DHRSX: variants seen among roughly 807,000 people sequenced by gnomAD.
DHRSX encodes polyprenol dehydrogenase.
DHRSX carries 31 observed loss-of-function variants against 34.0 expected under a neutral mutation model. The ratio of observed to expected loss-of-function variants is 0.91; its 90% CI spans 0.69 to 1.23. DHRSX has a LOEUF of 1.23. DHRSX is among the 50% of genes most tolerant of loss of function. The pLI is 0.00. For missense variants in DHRSX, 414 were observed against 428.1 expected (o/e 0.97, Z 0.29); for synonymous variants, 201 against 183.8 (o/e 1.09, Z -0.76).
chrX:2,234,780 G>A (rs1042357540), intron 6 of DHRSX, among the ~76,000 whole-genome samples: 7 of 152,252 alleles, frequency 4.6e-5, no homozygotes, highest in East Asian at 1.9e-4. Flanking sequence ...GCACGATCCC[G>A]GCTTACTGCA....
chrX:2,452,562 A>T (rs2044238558), intron 1 of DHRSX, among the ~76,000 whole-genome samples: 1 of 151,896 alleles, frequency 6.6e-6, no homozygotes, highest in African/African-American at 2.4e-5. Context: ...AGAGACCACC[A>T]TGTACACACT....
chrX:2,238,028 T>C (rs2016056593), intron 6 of DHRSX, among the ~76,000 whole-genome samples: 1 of 152,106 alleles, frequency 6.6e-6, no homozygotes, highest in South Asian at 2.1e-4. Flanking sequence ...TGTCTCAGCA[T>C]GAAGAATGGC....
chrX:2,345,351 C>G (rs2042691861), intron 3 of DHRSX, among the ~76,000 whole-genome samples: 1 of 151,708 alleles, frequency 6.6e-6, no homozygotes, highest in Admixed American at 6.6e-5. Flanking sequence ...CATAATAGAA[C>G]AAAAGACTGG....
At chrX:2,317,720 G>C (rs1328593424) in intron 3 of DHRSX, among the ~76,000 whole-genome samples, 1 of 152,072 alleles carries the variant, frequency 6.6e-6, no homozygotes. Flanking sequence ...ATTTTACATG[G>C]CAAAGTGCGG....
chrX:2,250,062 T>C (rs1343532843), intron 5 of DHRSX, among the ~76,000 whole-genome samples: 4 of 147,864 alleles, frequency 2.7e-5, no homozygotes, highest in Non-Finnish European at 5.9e-5. Flanking sequence ...ACTTGGGTGC[T>C]GAGGCAGGAG....
At chrX:2,455,211 CT>C (rs1332909333) in intron 1 of DHRSX, among the ~76,000 whole-genome samples, 1 of 151,796 alleles carries the variant, frequency 6.6e-6, no homozygotes, top group Non-Finnish European at 1.5e-5. Flanking sequence ...GACAAAATAC[CT>C]CCTGTTCTCA....
chrX:2,300,772 T>C (rs990692156), intron 3 of DHRSX, among the ~76,000 whole-genome samples: 2 of 152,248 alleles, frequency 1.3e-5, no homozygotes, highest in South Asian at 2.1e-4. Context: ...CCCCCCTTTA[T>C]ATATAGCTAT....
At chrX:2,368,794 G>A (rs2043023777) in intron 3 of DHRSX, among the ~76,000 whole-genome samples, 1 of 152,104 alleles carries the variant, frequency 6.6e-6, no homozygotes. Context: ...AGGTTGCAGT[G>A]AGCCAAGATT....
At chrX:2,312,207 G>T (rs1277287742) in intron 3 of DHRSX, among the ~76,000 whole-genome samples, 3 of 152,114 alleles carry the variant, frequency 2.0e-5, no homozygotes, top group African/African-American at 7.2e-5. Context: ...GAAATCTTGA[G>T]TTCCTTCCAG....
rs1556464571 is a variant in DHRSX at position 2,310,577 on chromosome X, AGG to A, written c.287-18976_287-18975del. ...GTGTGTGTGTGAGAGAGAGAGAGAGAGGGAGAGAGAGAGAAAATAAGCAAGAG... is the reference window on the plus strand; with the variant it reads ...GTGTGTGTGTGAGAGAGAGAGAGAGAGAGAGAGAGAGAAAATAAGCAAGAG... On this transcript the variant is annotated intron_variant, in intron 3 of 6. Coordinates refer to ENST00000334651, the MANE Select transcript of DHRSX (RefSeq NM_145177.3). Among the ~76,000 whole-genome samples the A allele has an allele frequency of 2.6e-5, 4 of 151,062 alleles. No individual in the cohort carries two copies. In the South Asian group the frequency reaches 8.4e-4, roughly 32 times the overall value.
Position 2,300,017 on chromosome X carries a change from G to GA in DHRSX, c.287-8415dup, listed in dbSNP as rs1466378862. Among the ~76,000 whole-genome samples the GA allele has an allele frequency of 9.9e-5, 15 of 151,602 alleles. No homozygotes were observed. In the South Asian group the frequency reaches 1.0e-3, roughly 11 times the overall value. ...TGTGTTGATAAATAGGGATCAAGAAGAAAAAAAAATTCCTTTTGTTTGGAG... is the reference window on the plus strand; with the variant it reads ...TGTGTTGATAAATAGGGATCAAGAAGAAAAAAAAAATTCCTTTTGTTTGGAG... On this transcript the variant is annotated intron_variant, in intron 3 of 6. Coordinates refer to ENST00000334651, the MANE Select transcript of DHRSX (RefSeq NM_145177.3).
intron 1 of DHRSX, chrX:2,489,235 A>C: frequency 6.2e-7 from 1 of 1,613,638 alleles, no homozygotes; most frequent in Non-Finnish European, 8.5e-7. Flanking sequence ...CCACCACGCG[A>C]TTCTCCACCT....
In DHRSX at chrX:2,408,745, C is replaced by G. The variant is rs747653127; in HGVS notation, c.286G>C (p.Val96Leu). 3 of 1,610,496 alleles carry G rather than the reference C, an allele frequency of 1.9e-6. No homozygotes were observed. The highest frequency in any genetic ancestry group is 2.5e-6 in the Non-Finnish European group (3 of 1,178,952). ...AAGCCATTGGAGTATCTCTCGGTAC[C>G]TTTGTCGTTCAAGGTTTCTTCTTTT... ...KIKEETLNDK[V>L]EFLYCDLASM... The change falls in exon 3 of 7, where the codon GTG becomes CTG. Residue 96 changes from valine to leucine, a missense_variant and splice_region_variant. By Grantham distance (32) the Val-to-Leu change is conservative. Coordinates refer to ENST00000334651, the MANE Select transcript of DHRSX (RefSeq NM_145177.3).
intron 3 of DHRSX, among the ~76,000 whole-genome samples, chrX:2,399,432 C>A (rs1467145222): frequency 1.3e-5 from 2 of 149,714 alleles, no homozygotes; most frequent in Admixed American, 1.3e-4. Flanking sequence ...ACAGGCCAGG[C>A]GTGATAGCTC....
rs567267294 is a variant in DHRSX, at chrX:2,423,806, T to C, written c.217+1391A>G. On this transcript the variant is annotated intron_variant, in intron 2 of 6. Coordinates refer to ENST00000334651, the MANE Select transcript of DHRSX (RefSeq NM_145177.3). ...ATTTGAACTGTCCTCATATTCCCAGTTGAAGGGAGACCTGAAGAGGTCACA... is the reference window on the plus strand; with the variant it reads ...ATTTGAACTGTCCTCATATTCCCAGCTGAAGGGAGACCTGAAGAGGTCACA... 8.6e-5 allele frequency among the ~76,000 whole-genome samples: 13 copies of C among 151,984 alleles called. 1 individual carries two copies. Among genetic ancestry groups the C allele is most frequent in the African/African-American group, 2.7e-4 (11 of 41,434 alleles).
chrX:2,222,618 C>T (rs1177491140), intron 6 of DHRSX, among the ~76,000 whole-genome samples: 1 of 152,186 alleles, frequency 6.6e-6, no homozygotes, highest in African/African-American at 2.4e-5. Context: ...TGGCTCAGGC[C>T]TGTAATCCCA....
chrX:2,408,876 C>CAAA (rs11388393), intron 2 of DHRSX, 63 bp from the exon 3 acceptor site: 130 of 1,067,548 alleles, frequency 1.2e-4, no homozygotes, highest in Middle Eastern at 2.7e-4. Flanking sequence ...CTATTAACTG[C>CAAA]AAAAAAAAAA....
chrX:2,323,961 A>C (rs182637253), intron 3 of DHRSX, among the ~76,000 whole-genome samples: 1 of 144,236 alleles, frequency 6.9e-6, no homozygotes, highest in African/African-American at 2.6e-5. Context: ...GGAGGCTGAG[A>C]TGTGAGGATC....
chrX:2,457,480 C>G (rs1263319366), intron 1 of DHRSX, among the ~76,000 whole-genome samples: 2 of 151,318 alleles, frequency 1.3e-5, no homozygotes, highest in Non-Finnish European at 3.0e-5. Flanking sequence ...GAAGACATTC[C>G]CTAAGATGCA....
Sources: allele counts gnomAD v4.1 joint callset (sites outside exome capture counted in the v4.1 genomes callset), GRCh38; gene constraint gnomAD v4.1.1; transcripts MANE v1.5; gene names NCBI Gene and HGNC (gene_info 2026-07-23, HGNC 2026-07-21).